ZDHHC14: variants seen among roughly 807,000 people sequenced by gnomAD.
ZDHHC14 encodes the protein zDHHC palmitoyltransferase 14.
A neutral mutation model predicts 47.7 loss-of-function variants in ZDHHC14; 16 were observed. The ratio of observed to expected loss-of-function variants is 0.34; its 90% confidence interval spans 0.23 to 0.51. The LOEUF (loss-of-function observed/expected upper bound fraction) is 0.51, where lower values mean the gene tolerates loss of function less well. Among genes scored for constraint, ZDHHC14 ranks in the 20% least tolerant of loss-of-function variants. ZDHHC14 has a pLI of 0.97. For synonymous variants in ZDHHC14, 293 were observed against 278.9 expected, an observed-to-expected ratio of 1.05 and a Z score of -0.50; for missense variants, 515 against 662.5, an observed-to-expected ratio of 0.78 and a Z score of 2.44.
intron 1 of ZDHHC14, among the ~76,000 whole-genome samples, chr6:157,535,095 A>G (rs1489765685): frequency 6.6e-6 from 1 of 152,156 alleles, no homozygotes; most frequent in African/African-American, 2.4e-5. Context: ...CCCTGAGTTA[A>G]GAGTAAGGAC....
At chr6:157,560,736 T>TC (rs1409246668) in intron 2 of ZDHHC14, among the ~76,000 whole-genome samples, 17 of 152,242 alleles carry the variant, frequency 1.1e-4, no homozygotes, top group African/African-American at 3.9e-4. Context: ...AAGCAGTACT[T>TC]CTTACTCATT....
At chr6:157,656,984 AC>A (rs1778128796) in intron 8 of ZDHHC14, among the ~76,000 whole-genome samples, 1 of 151,904 alleles carries the variant, frequency 6.6e-6, no homozygotes, top group African/African-American at 2.4e-5. Context: ...TGCCATGCAT[AC>A]CTGAGTGTAG....
At chr6:157,648,224 T>C (rs1229583499) in intron 7 of ZDHHC14, among the ~76,000 whole-genome samples, 1 of 152,240 alleles carries the variant, frequency 6.6e-6, no homozygotes, top group Non-Finnish European at 1.5e-5. Context: ...TGAGCAAATC[T>C]ACCTGGTCTC....
At position 157,449,585 on chromosome 6, in the gene ZDHHC14, CTA is replaced by C. The variant is rs1396512821; in HGVS notation, c.245+67322_245+67323del. ...CCTGGTAGCCACCCATCTGCTGTCA[CTA>C]TAGTTTTGCCTTTTCCAGAATTTCA... On this transcript the variant is annotated intron_variant, in intron 1 of 8. Transcript: ENST00000359775. Among the ~76,000 whole-genome samples the C allele has an allele frequency of 3.9e-5, 6 of 152,326 alleles. No homozygotes were observed. The East Asian group carries it at 1.2e-3, about 29-fold the overall frequency.
At chr6:157,510,650 T>G (rs1253553392) in intron 1 of ZDHHC14, among the ~76,000 whole-genome samples, 1 of 152,266 alleles carries the variant, frequency 6.6e-6, no homozygotes, top group East Asian at 1.9e-4. Context: ...TTTCTCCACC[T>G]GCCTCCTTAT....
intron 1 of ZDHHC14, among the ~76,000 whole-genome samples, chr6:157,388,372 T>A (rs1462295482): frequency 6.6e-6 from 1 of 152,248 alleles, no homozygotes; most frequent in Non-Finnish European, 1.5e-5. Flanking sequence ...ATGGGCCATA[T>A]CTGCATATCC....
At position 157,593,055 on chromosome 6, in the gene ZDHHC14, T is replaced by A; in HGVS notation, c.474T>A (p.Asn158Lys). 6.2e-7 allele frequency: 1 copy of A among 1,614,190 alleles called. No individual in the cohort carries two copies. The highest frequency in any genetic ancestry group is 8.5e-7 in the Non-Finnish European group (1 of 1,180,018). ...CCAGAACCAAAGAAGTCATCATCAA[T>A]GGCCAGACCGTGAAACTTAAATACT... ...PPPRTKEVIINGQTVKLKYCF... is the reference protein window; with the variant it reads ...PPPRTKEVIIKGQTVKLKYCF... The change falls in exon 3 of 9, where the codon AAT (asparagine) becomes AAA (lysine). Residue 158 changes from asparagine to lysine, a missense_variant. Coordinates refer to ENST00000359775, the MANE Select transcript of ZDHHC14 (RefSeq NM_024630.3).
At chr6:157,612,361 G>A (rs564993846) in intron 3 of ZDHHC14, among the ~76,000 whole-genome samples, 256 of 152,268 alleles carry the variant, frequency 1.7e-3, no homozygotes, top group African/African-American at 5.2e-3. Context: ...TCATCACTAT[G>A]GGAAGGAGGC....
intron 1 of ZDHHC14, among the ~76,000 whole-genome samples, chr6:157,470,184 G>A (rs1779321410): frequency 6.6e-6 from 1 of 152,196 alleles, no homozygotes; most frequent in African/African-American, 2.4e-5. Flanking sequence ...ACAAACCAAG[G>A]TTTGGAATTC....
intron 5 of ZDHHC14, among the ~76,000 whole-genome samples, chr6:157,645,025 G>A (rs1416283714): frequency 2.0e-5 from 3 of 152,078 alleles, no homozygotes; most frequent in Admixed American, 2.0e-4. Context: ...AGAACTCGTG[G>A]TTCCCAGCTG....
intron 5 of ZDHHC14, among the ~76,000 whole-genome samples, chr6:157,641,715 G>A (rs945502635): frequency 6.6e-6 from 1 of 152,058 alleles, no homozygotes; most frequent in African/African-American, 2.4e-5. Flanking sequence ...CTCATACTAC[G>A]TGGCTCCTCG....
chr6:157,652,262 T>C (rs1458939267), intron 7 of ZDHHC14, among the ~76,000 whole-genome samples: 1 of 152,184 alleles, frequency 6.6e-6, no homozygotes, highest in African/African-American at 2.4e-5. Flanking sequence ...GCAGTAGTCA[T>C]GAGGTTAACT....
chr6:157,440,162 T>TTAATAATAATAATAA (rs199803371), intron 1 of ZDHHC14, among the ~76,000 whole-genome samples: 42 of 148,004 alleles, frequency 2.8e-4, no homozygotes, highest in African/African-American at 1.1e-3. Context: ...CCCTGGAACT[T>TTAATAATAATAATAA]TAATAATAAT....
At chr6:157,536,048 G>A (rs1039839208) in intron 1 of ZDHHC14, among the ~76,000 whole-genome samples, 10 of 152,210 alleles carry the variant, frequency 6.6e-5, no homozygotes, top group Non-Finnish European at 1.2e-4. Flanking sequence ...TTTCAGATGT[G>A]TGAGTCATTG....
At chr6:157,406,995 C>T (rs1420485966) in intron 1 of ZDHHC14, among the ~76,000 whole-genome samples, 2 of 152,308 alleles carry the variant, frequency 1.3e-5, no homozygotes, top group East Asian at 1.9e-4. Context: ...TTTAGCATTG[C>T]CGTTCTCAAC....
Position 157,628,335 on chromosome 6 carries a change from G to C in ZDHHC14, c.566-14G>C. ...TGATTTCCACTTTTTTTTTTTTTCT[G>C]CCTCTCATTTCAGAACGGTTTGATC... On this transcript the variant is annotated splice_polypyrimidine_tract_variant and intron_variant, in intron 3 of 8. Coordinates refer to ENST00000359775, the MANE Select transcript of ZDHHC14 (RefSeq NM_024630.3). 1 of 1,516,138 alleles carries C rather than the reference G, an allele frequency of 6.6e-7. No homozygotes were observed. Among genetic ancestry groups the C allele is most frequent in the East Asian group, 2.5e-5 (1 of 40,406 alleles). The allele number at this position is 1,516,138 out of a possible 1,614,324, so 93.9% of individuals were successfully genotyped here. A position where few individuals can be genotyped will look rare whatever the true frequency, so the allele number is the denominator to read the frequency against.
chr6:157,477,087 A>C (rs1424095606), intron 1 of ZDHHC14, among the ~76,000 whole-genome samples: 1 of 152,204 alleles, frequency 6.6e-6, no homozygotes, highest in African/African-American at 2.4e-5. Context: ...CAGGCATCCA[A>C]ATAGGAAAAT....
At chr6:157,571,852 C>A (rs886259643) in intron 2 of ZDHHC14, among the ~76,000 whole-genome samples, 1 of 148,424 alleles carries the variant, frequency 6.7e-6, no homozygotes, top group African/African-American at 2.5e-5. Context: ...GGGGACTTCA[C>A]CAAGCTTAGC....
chr6:157,669,209 G>C (rs79389357), intron 8 of ZDHHC14, among the ~76,000 whole-genome samples: 2,857 of 152,280 alleles, frequency 0.019, 81 homozygotes, highest in African/African-American at 0.066. Flanking sequence ...TATCCGAGAA[G>C]GTTCTCGTGG....
Sources: gnomAD v4.1 joint callset for allele counts (sites outside exome capture counted in the v4.1 genomes callset) on GRCh38, gnomAD v4.1.1 for gene constraint, MANE v1.5 for transcripts, NCBI Gene and HGNC (gene_info 2026-07-23, HGNC 2026-07-21) for gene names.